CIC: variants seen among roughly 807,000 people sequenced by gnomAD.
The protein encoded by CIC is protein capicua homolog.
In CIC, 18 loss-of-function variants were observed where a neutral mutation model predicts 115.7. The ratio of observed to expected loss-of-function variants is 0.16; its 90% CI spans 0.11 to 0.23. The LOEUF is 0.23. CIC is among the 10% of genes least tolerant of loss of function. The pLI, the probability that CIC is intolerant of heterozygous loss-of-function variation, is 1.00. For synonymous variants in CIC, 1,076 were observed against 923.0 expected (o/e 1.17, Z -3.01); for missense variants, 2,000 against 2,159.3 (o/e 0.93, Z 1.46).
At position 42,286,886 on chromosome 19, in the gene CIC, T is replaced by A. The variant is rs2147171300; in HGVS notation, c.2910T>A (p.Pro970=). The A allele has an allele frequency of 1.2e-6, 2 of 1,612,432 alleles. No homozygotes were observed. Among genetic ancestry groups the A allele is most frequent in the Non-Finnish European group, 1.7e-6 (2 of 1,179,676 alleles). The change falls in exon 3 of 21, where the codon CCT becomes CCA. Residue 970 remains proline (P), a synonymous_variant. Coordinates refer to ENST00000681038, the MANE Select transcript of CIC (RefSeq NM_001386298.1). Reference sequence around the variant, plus strand: ...TGCAGCCGAGCGAGGCCCAGCAACCTGCCAGCCACCCAGTGGCCTCCAACC... The same window carrying A: ...TGCAGCCGAGCGAGGCCCAGCAACCAGCCAGCCACCCAGTGGCCTCCAACC... The part of the protein sequence containing the change: ...PSVQPSEAQQ[P]ASHPVASNQS...
chr19:42,295,465 A>C lies in CIC; in HGVS notation c.*274A>C. On this transcript the variant is annotated 3_prime_UTR_variant, in exon 21 of 21. Coordinates refer to ENST00000681038, the MANE Select transcript of CIC (RefSeq NM_001386298.1). ...CTTCAGAGCTTTTCACTTTATGCAA[A>C]ATGGCTCCTGTGAGGGCTGCAAGCT... 2.4e-6 allele frequency: 1 copy of C among 412,788 alleles called. No homozygotes were observed. Among genetic ancestry groups the C allele is most frequent in the South Asian group, 3.5e-5 (1 of 28,224 alleles). The allele number at this position is 412,788 out of a possible 1,614,324, so 25.6% of individuals were successfully genotyped here. A position where few individuals can be genotyped will look rare whatever the true frequency, so the allele number is the denominator to read the frequency against.
chr19:42,288,739 GTGGGTGGTGGT>G, intron 7 of CIC, 138 bp from the exon 8 acceptor site: 2 of 742,832 alleles, frequency 2.7e-6, no homozygotes. Context: ...TGGACTGGTG[GTGGGTGGTGGT>G]TTTTTTTTTT....
intron 2 of CIC, chr19:42,284,276 G>A (rs1329412908): frequency 1.4e-5 from 2 of 146,622 alleles, no homozygotes; most frequent in East Asian, 4.0e-4. Flanking sequence ...GAACGAGCGA[G>A]CCAGCGAGCG....
At chr19:42,293,333 C>T (rs1262370001) in intron 16 of CIC, 52 bp downstream of exon 16, 4 of 1,511,986 alleles carry the variant, frequency 2.6e-6, no homozygotes, top group Middle Eastern at 2.0e-4. Context: ...TGTGCCTCTC[C>T]ATTGACGTCT....
chr19:42,272,264 C>T lies in CIC; in HGVS notation c.481C>T (p.Arg161Cys), dbSNP rs927422120. Residue 161 changes from arginine to cysteine, a missense_variant, in exon 2 of 21, where the codon CGT becomes TGT. Physicochemically the swap from Arg to Cys is radical, Grantham distance 180. Transcript: ENST00000681038. ...GCCTCCACGGCCACCCACCTCCACT[C>T]GTTCCTCCTCCACTGACACAGCCAG... ...GVPPRPPTSTRSSSTDTASEH... is the reference protein window; with the variant it reads ...GVPPRPPTSTCSSSTDTASEH... 2.0e-5 allele frequency: 8 copies of T among 398,518 alleles called. No homozygotes were observed. Among genetic ancestry groups the T allele is most frequent in the South Asian group, 1.3e-4 (1 of 7,874 alleles). 24.7% of individuals were successfully genotyped at this position (398,518 alleles called of 1,614,324 possible).
chr19:42,287,305 G>A lies in CIC; in HGVS notation c.3180-15G>A, dbSNP rs573476602. On this transcript the variant is annotated splice_polypyrimidine_tract_variant and intron_variant, in intron 4 of 20. Transcript: ENST00000681038. This position sits in a 1 kb window ranked among gnomAD's most constrained non-coding sequence, Gnocchi z 8.7. ...CAGAGACATGGCCCTCACTGTCCCT[G>A]CTGCCCCGCCGCAGCTTCCTCTCCA... The A allele has an allele frequency of 1.2e-6, 2 of 1,614,034 alleles. No homozygotes were observed. The highest frequency in any genetic ancestry group is 1.7e-6 in the Non-Finnish European group (2 of 1,180,002).
chr19:42,276,164 G>A (rs2036969387), intron 2 of CIC, among the ~76,000 whole-genome samples: 1 of 152,248 alleles, frequency 6.6e-6, no homozygotes, highest in African/African-American at 2.4e-5. Context: ...GAAAGAGTTT[G>A]TGCAAAGGCC....
At chr19:42,277,328 C>T (rs2037020967) in intron 2 of CIC, among the ~76,000 whole-genome samples, 1 of 152,210 alleles carries the variant, frequency 6.6e-6, no homozygotes, top group South Asian at 2.1e-4. Flanking sequence ...CTCCTGGGTT[C>T]AAGCGATTCT....
In CIC at chr19:42,287,785, G is replaced by C; in HGVS notation, c.3493-25G>C. 9 of 1,614,074 alleles carry C rather than the reference G, an allele frequency of 5.6e-6. No homozygotes were observed. Among genetic ancestry groups the C allele is most frequent in the Non-Finnish European group, 7.6e-6 (9 of 1,179,976 alleles). On this transcript the variant is annotated intron_variant, in intron 6 of 20. Coordinates refer to ENST00000681038, the MANE Select transcript of CIC (RefSeq NM_001386298.1). The surrounding 1 kb of genome is among the most constrained non-coding windows in gnomAD (Gnocchi z 8.7). ...TCTTCTGGTGGGGTGGGTGAGTGAA[G>C]GGTTGCCCTGCCCTCTCCTGCCAGG...
intron 10 of CIC, 94 bp from the exon 11 acceptor site, chr19:42,290,139 G>A: frequency 4.5e-6 from 7 of 1,572,772 alleles, no homozygotes; most frequent in Non-Finnish European, 6.1e-6. Flanking sequence ...GCCCTAGGCT[G>A]GCCTGGCTGA....
rs1199476831 is a variant in CIC, at chr19:42,280,576, G to A, written c.2794+5999G>A. Among the ~76,000 whole-genome samples, 3 of 152,178 alleles carry A rather than the reference G, an allele frequency of 2.0e-5. No individual in the cohort carries two copies. The highest frequency in any genetic ancestry group is 4.4e-5 in the Non-Finnish European group (3 of 67,992). ...AACCCCTGCGCTGCCGCGTCCTCGG[G>A]CTGGGTGGGGTACCCTCCCTCCCAC... On this transcript the variant is annotated intron_variant, in intron 2 of 20. Coordinates refer to ENST00000681038, the MANE Select transcript of CIC (RefSeq NM_001386298.1). This position sits in a 1 kb window ranked among gnomAD's most constrained non-coding sequence, Gnocchi z 4.9.
chr19:42,290,415 C>G lies in CIC; in HGVS notation c.4374C>G (p.Ser1458=). The G allele has an allele frequency of 1.2e-6, 2 of 1,614,012 alleles. No homozygotes were observed. Among genetic ancestry groups the G allele is most frequent in the Non-Finnish European group, 1.7e-6 (2 of 1,179,876 alleles). ...CCTCCTCAGCCTCGGCAGCCACCTC[C>G]TTCTCACTGGGCTCAGGAACCTTCA... ...PASSSASAAT[S]FSLGSGTFKA... is the part of the protein sequence containing the mutation. Residue 1458 remains serine (S), a synonymous_variant, in exon 11 of 21, where the codon TCC becomes TCG. Transcript: ENST00000681038.
In CIC at chr19:42,290,565, G is replaced by A. The variant is rs1568514042; in HGVS notation, c.4524G>A (p.Arg1508=). Residue 1508 remains arginine, a synonymous_variant, in exon 11 of 21, where the codon CGG becomes CGA. Coordinates refer to ENST00000681038, the MANE Select transcript of CIC (RefSeq NM_001386298.1). ...TCCCAATGGATCCTGCCACCTTCCG[G>A]CGCAAGAGACCCGAAAGTGTGGGTG... ...RFLPMDPATF[R]RKRPESVGGL... The A allele has an allele frequency of 6.2e-7, 1 of 1,613,672 alleles. No homozygotes were observed. Among genetic ancestry groups the A allele is most frequent in the Admixed American group, 1.7e-5 (1 of 60,016 alleles).
chr19:42,279,439 G>A (rs923967145), intron 2 of CIC, among the ~76,000 whole-genome samples: 1 of 152,202 alleles, frequency 6.6e-6, no homozygotes, highest in Non-Finnish European at 1.5e-5. Flanking sequence ...GATAAGGGAG[G>A]ATCAGGTAGG....
intron 2 of CIC, chr19:42,284,786 G>T: frequency 6.5e-7 from 1 of 1,548,688 alleles, no homozygotes. Context: ...GTAGCGCCTG[G>T]GCCCTGGGAC....
intron 2 of CIC, among the ~76,000 whole-genome samples, chr19:42,276,030 C>G (rs538876471): frequency 3.8e-4 from 58 of 152,250 alleles, no homozygotes; most frequent in Middle Eastern, 3.4e-3. Context: ...AGAGAAGATG[C>G]CTGTCCAGCC....
intron 2 of CIC, among the ~76,000 whole-genome samples, chr19:42,283,859 C>T (rs1277135074): frequency 1.3e-5 from 2 of 151,964 alleles, no homozygotes. Flanking sequence ...CGGAGCCCGC[C>T]CCGCCCTGCC....
intron 2 of CIC, among the ~76,000 whole-genome samples, chr19:42,276,089 C>T (rs1248263770): frequency 6.6e-6 from 1 of 152,246 alleles, no homozygotes; most frequent in African/African-American, 2.4e-5. Flanking sequence ...TGCCTATGAA[C>T]TGAAACCTGA....
Position 42,294,197 on chromosome 19 carries a change from C to A in CIC, c.6947C>A (p.Pro2316His). The part of the protein sequence containing the change: ...STDLDSAPED[P>H]TSPKRKMRRR... ...GACCTGGATTCAGCACCCGAGGACC[C>A]CACCTCGCCCAAGCGCAAGATGAGA... Residue 2316 changes from proline (P) to histidine (H), a missense_variant, in exon 19 of 21, where the codon CCC becomes CAC. Coordinates refer to ENST00000681038, the MANE Select transcript of CIC (RefSeq NM_001386298.1). 1 of 1,613,858 alleles carries A rather than the reference C, an allele frequency of 6.2e-7. No individual in the cohort carries two copies. The highest frequency in any genetic ancestry group is 1.1e-5 in the South Asian group (1 of 91,086).
Sources: gnomAD v4.1 joint callset for allele counts (sites outside exome capture counted in the v4.1 genomes callset) on GRCh38, gnomAD v4.1.1 for gene constraint, Gnocchi (gnomAD v3.1) non-coding constraint, MANE v1.5 for transcripts, NCBI Gene and HGNC (gene_info 2026-07-23, HGNC 2026-07-21) for gene names.